SUMF1: variants seen among roughly 807,000 people sequenced by gnomAD.
SUMF1 encodes formylglycine-generating enzyme.
Under a neutral mutation model 47.6 loss-of-function variants are expected in SUMF1, and 48 were observed. That is an observed-to-expected ratio of 1.01 (90% CI 0.80 to 1.28). The LOEUF (loss-of-function observed/expected upper bound fraction) is 1.28, where lower values mean the gene tolerates loss of function less well. Ranked by LOEUF, SUMF1 falls within the 50% of genes most tolerant of loss-of-function variation. The probability of loss-of-function intolerance (pLI) is 0.00; values close to 1 mark genes in which losing one functional copy is unlikely to be tolerated. For missense variants in SUMF1, 571 were observed against 485.4 expected (o/e 1.18, Z -1.66); for synonymous variants, 230 against 192.1 (o/e 1.20, Z -1.63).
intron 8 of SUMF1, among the ~76,000 whole-genome samples, chr3:4,158,639 G>T (rs2125111559): frequency 6.6e-6 from 1 of 151,428 alleles, no homozygotes; most frequent in African/African-American, 2.4e-5. Context: ...ATAGATATGT[G>T]CTCATATATA....
rs139937593 is a variant in SUMF1, at chr3:4,362,584, T to C, written c.1015-330A>G. On this transcript the variant is annotated intron_variant, in intron 8 of 8. Coordinates refer to ENST00000272902, the MANE Select transcript of SUMF1 (RefSeq NM_182760.4). Reference sequence around the variant, plus strand: ...AAAAGTAAGCAGCCATTGAAAGTCATGTCTTTACATAGTATTTAATGACAC... The same window carrying C: ...AAAAGTAAGCAGCCATTGAAAGTCACGTCTTTACATAGTATTTAATGACAC... Among the ~76,000 whole-genome samples, 18 of 152,356 alleles carry C rather than the reference T, an allele frequency of 1.2e-4. No homozygotes were observed. In the East Asian group the frequency reaches 3.1e-3, roughly 26 times the overall value.
intron 9 of SUMF1, among the ~76,000 whole-genome samples, chr3:4,065,727 C>G (rs138667095): frequency 4.3e-4 from 66 of 152,170 alleles, no homozygotes; most frequent in African/African-American, 1.6e-3. Context: ...TTCATTATCT[C>G]CAATCCTTAC....
intron 4 of SUMF1, among the ~76,000 whole-genome samples, chr3:4,418,721 A>C (rs1208902747): frequency 6.6e-6 from 1 of 152,148 alleles, no homozygotes; most frequent in Non-Finnish European, 1.5e-5. Flanking sequence ...ACTCTGTTTC[A>C]GCCTCTGTTT....
intron 3 of SUMF1, among the ~76,000 whole-genome samples, chr3:4,428,993 T>C (rs1702152433): frequency 6.6e-6 from 1 of 152,178 alleles, no homozygotes; most frequent in Non-Finnish European, 1.5e-5. Flanking sequence ...AATATTTTTG[T>C]CTTGTCAATA....
intron 8 of SUMF1, among the ~76,000 whole-genome samples, chr3:4,093,274 C>T (rs966564657): frequency 6.6e-6 from 1 of 152,092 alleles, no homozygotes; most frequent in Non-Finnish European, 1.5e-5. Context: ...ATATCACTAT[C>T]AACTAACATT....
chr3:4,155,329 T>A (rs1694428521), intron 8 of SUMF1, among the ~76,000 whole-genome samples: 1 of 151,558 alleles, frequency 6.6e-6, no homozygotes, highest in Admixed American at 6.6e-5. Context: ...TTGAGGAATC[T>A]CCACTTAATG....
intron 8 of SUMF1, among the ~76,000 whole-genome samples, chr3:4,106,616 A>G (rs955958553): frequency 6.6e-6 from 1 of 152,138 alleles, no homozygotes; most frequent in Non-Finnish European, 1.5e-5. Context: ...AAATAACGAG[A>G]AACTTGAAGG....
chr3:4,188,835 TC>T (rs1275075257), intron 8 of SUMF1, among the ~76,000 whole-genome samples: 1 of 152,350 alleles, frequency 6.6e-6, no homozygotes, highest in South Asian at 2.1e-4. Context: ...GTACATGGTA[TC>T]CCTATTATGC....
chr3:4,449,853 T>G (rs1017356525), intron 2 of SUMF1, among the ~76,000 whole-genome samples: 2 of 152,364 alleles, frequency 1.3e-5, no homozygotes, highest in South Asian at 4.1e-4. Context: ...TTATTTAACA[T>G]TAGTGTCTCA....
chr3:4,282,473 T>G (rs1697549595), intron 8 of SUMF1, among the ~76,000 whole-genome samples: 1 of 152,250 alleles, frequency 6.6e-6, no homozygotes, highest in African/African-American at 2.4e-5. Context: ...CTACAATTTC[T>G]GTACTCCCTA....
chr3:4,313,950 A>C lies in SUMF1; in HGVS notation c.1014+62380T>G, dbSNP rs902323182. 26 of 1,018,700 alleles carry C rather than the reference A, an allele frequency of 2.6e-5. No homozygotes were observed. In the South Asian group the frequency reaches 3.3e-4, roughly 13 times the overall value. The allele number at this position is 1,018,700 out of a possible 1,614,324, so 63.1% of individuals were successfully genotyped here. A position where few individuals can be genotyped will look rare whatever the true frequency, so the allele number is the denominator to read the frequency against. On this transcript the variant is annotated intron_variant and NMD_transcript_variant, in intron 8 of 12. Coordinates refer to the SUMF1 transcript ENST00000448413. ...TTAACAAAAGTACATGACTACCCAG[A>C]ATACTCACTTTCCTAGTTAGATTTG...
At chr3:4,319,538 C>T (rs1698776670) in intron 8 of SUMF1, among the ~76,000 whole-genome samples, 1 of 152,158 alleles carries the variant, frequency 6.6e-6, no homozygotes, top group African/African-American at 2.4e-5. Context: ...GATCAGTTCC[C>T]TGAGGGAGGA....
At chr3:4,391,821 CTTTTCTTTTCTTT>C (rs1388625884) in intron 7 of SUMF1, among the ~76,000 whole-genome samples, 1 of 137,464 alleles carries the variant, frequency 7.3e-6, no homozygotes, top group South Asian at 2.2e-4. Flanking sequence ...TTTTTCTTTT[CTTTTCTTTTCTTT>C]TTTTTTTTTT....
At chr3:4,052,323 G>C (rs1342562276) in intron 9 of SUMF1, among the ~76,000 whole-genome samples, 1 of 152,128 alleles carries the variant, frequency 6.6e-6, no homozygotes, top group Non-Finnish European at 1.5e-5. Flanking sequence ...CATCACATTA[G>C]GGGTTAGGAA....
chr3:4,037,413 G>A (rs1032467161), intron 9 of SUMF1, among the ~76,000 whole-genome samples: 4 of 152,050 alleles, frequency 2.6e-5, no homozygotes, highest in African/African-American at 7.2e-5. Flanking sequence ...AAACATAAAT[G>A]GCCAATACAT....
intron 8 of SUMF1, among the ~76,000 whole-genome samples, chr3:4,259,733 G>A (rs1190814963): frequency 6.6e-6 from 1 of 151,990 alleles, no homozygotes; most frequent in Non-Finnish European, 1.5e-5. Flanking sequence ...AAGCCTAATG[G>A]CAAAAGGCAA....
chr3:4,346,708 C>A, intron 8 of SUMF1, among the ~76,000 whole-genome samples: 1 of 145,384 alleles, frequency 6.9e-6, no homozygotes, highest in African/African-American at 2.6e-5. Context: ...GATAGAGACA[C>A]AAAAAAACCC....
chr3:4,342,014 G>A (rs1341086323), intron 8 of SUMF1, among the ~76,000 whole-genome samples: 1 of 152,150 alleles, frequency 6.6e-6, no homozygotes, highest in African/African-American at 2.4e-5. Flanking sequence ...CAGAGATTAT[G>A]GGACATGAAA....
chr3:4,431,319 C>T (rs1702225838), intron 3 of SUMF1, among the ~76,000 whole-genome samples: 1 of 152,210 alleles, frequency 6.6e-6, no homozygotes, highest in African/African-American at 2.4e-5. Flanking sequence ...TTACATATAC[C>T]TACCCTTTCC....
Sources: allele counts gnomAD v4.1 joint callset (sites outside exome capture counted in the v4.1 genomes callset), GRCh38; gene constraint gnomAD v4.1.1; transcripts MANE v1.5; gene names NCBI Gene and HGNC (gene_info 2026-07-23, HGNC 2026-07-21).